Variants in PLOD2 observed in about 807,000 individuals in gnomAD.
PLOD2 encodes the protein procollagen-lysine,2-oxoglutarate 5-dioxygenase 2.
A neutral mutation model predicts 101.0 loss-of-function variants in PLOD2; 65 were observed. That is an observed-to-expected ratio of 0.64 (90% CI 0.53 to 0.79). PLOD2 has a LOEUF of 0.79. PLOD2 is among the 30% of genes least tolerant of loss of function. The probability of loss-of-function intolerance (pLI) is 0.00; values close to 1 mark genes in which losing one functional copy is unlikely to be tolerated. For synonymous variants in PLOD2, 314 were observed against 302.9 expected (o/e 1.04, Z -0.38); for missense variants, 909 against 914.6 (o/e 0.99, Z 0.08).
chr3:146,110,484 C>G, intron 3 of PLOD2, 36 bp from the exon 4 acceptor site: 2 of 1,553,224 alleles, frequency 1.3e-6, no homozygotes, highest in Non-Finnish European at 1.8e-6. Context: ...TTAAAATACA[C>G]TTGTCAGAAT....
chr3:146,111,581 G>A (rs958393329), intron 3 of PLOD2, among the ~76,000 whole-genome samples: 2 of 152,158 alleles, frequency 1.3e-5, no homozygotes, highest in Admixed American at 1.3e-4. Flanking sequence ...GGGAGAGACA[G>A]AGGAAAACTC....
At chr3:146,101,549 A>C (rs549457875) in intron 7 of PLOD2, among the ~76,000 whole-genome samples, 16 of 152,346 alleles carry the variant, frequency 1.1e-4, no homozygotes, top group African/African-American at 3.6e-4. Flanking sequence ...AACAATGTCC[A>C]CTACTCAACA....
chr3:146,156,078 A>C (rs965222998), intron 1 of PLOD2, among the ~76,000 whole-genome samples: 3 of 152,210 alleles, frequency 2.0e-5, no homozygotes, highest in Non-Finnish European at 4.4e-5. Context: ...TACTTACACC[A>C]AAGAACATGT....
At chr3:146,103,101 G>A (rs1937449568) in intron 6 of PLOD2, among the ~76,000 whole-genome samples, 1 of 152,186 alleles carries the variant, frequency 6.6e-6, no homozygotes, top group Admixed American at 6.5e-5. Flanking sequence ...TAAAGTGATT[G>A]AGGTGCTAAG....
intron 1 of PLOD2, among the ~76,000 whole-genome samples, chr3:146,152,077 C>T (rs1349581342): frequency 6.6e-6 from 1 of 152,098 alleles, no homozygotes; most frequent in Non-Finnish European, 1.5e-5. Flanking sequence ...CTACTAAAAT[C>T]AAGAATTAAA....
rs1439638676 is a variant in PLOD2 at position 146,161,094 on chromosome 3, G to C, written c.-105C>G. On this transcript the variant is annotated 5_prime_UTR_variant, in exon 1 of 20. Coordinates refer to ENST00000282903, the MANE Select transcript of PLOD2 (RefSeq NM_182943.3). ...GGGTCCGCCCTGAGCCGCCGATTGC[G>C]GGCGGGAGCCGGCGGGCAAGGCGCG... is the stretch of plus-strand genomic sequence containing the variant. 2 of 664,280 alleles carry C rather than the reference G, an allele frequency of 3.0e-6. No homozygotes were observed. The highest frequency in any genetic ancestry group is 4.3e-5 in the Admixed American group (1 of 23,348). 41.1% of individuals were successfully genotyped at this position (664,280 alleles called of 1,614,324 possible).
At chr3:146,151,429 G>A (rs923591255) in intron 1 of PLOD2, among the ~76,000 whole-genome samples, 1 of 152,056 alleles carries the variant, frequency 6.6e-6, no homozygotes, top group Non-Finnish European at 1.5e-5. Context: ...CCCGAGAGGC[G>A]GAGGTTGCAG....
intron 15 of PLOD2, among the ~76,000 whole-genome samples, chr3:146,073,867 T>A (rs1437836178): frequency 2.0e-5 from 3 of 151,640 alleles, no homozygotes; most frequent in Admixed American, 2.0e-4. Context: ...ATTAGTGAAC[T>A]AATTAACTAG....
Position 146,102,785 on chromosome 3 carries a change from TG to T in PLOD2, c.746del (p.Pro249GlnfsTer14). The T allele has an allele frequency of 6.2e-7, 1 of 1,601,804 alleles. No homozygotes were observed. Among genetic ancestry groups the T allele is most frequent in the Non-Finnish European group, 8.6e-7 (1 of 1,168,842 alleles). On this transcript the variant is annotated frameshift_variant, in exon 7 of 20. Transcript: ENST00000282903. LOFTEE classifies it high-confidence loss of function. ...RAKNTFYETL[P>X]VAINGNGPTK... ...TGGGTCCATTTCCATTAATTGCCAC[TG>T]GTAATGTTTCATAAAATGTATTCTT...
intron 1 of PLOD2, among the ~76,000 whole-genome samples, chr3:146,150,373 G>A (rs563792505): frequency 6.6e-6 from 1 of 151,744 alleles, no homozygotes; most frequent in South Asian, 2.1e-4. Flanking sequence ...ATAAAACTTC[G>A]TTTTAACTTC....
Position 146,110,532 on chromosome 3 carries a change from T to C in PLOD2, c.339-84A>G, listed in dbSNP as rs1244712001. 5.3e-6 allele frequency: 6 copies of C among 1,132,008 alleles called. No individual in the cohort carries two copies. In the African/African-American group the frequency reaches 9.2e-5, roughly 17 times the overall value. The allele number at this position is 1,132,008 out of a possible 1,614,324, so 70.1% of individuals were successfully genotyped here. ...ACCATGAAAAGTTCTCTAACAAAAG[T>C]CAGAATCAAGAATACAATGCAAGAT... On this transcript the variant is annotated intron_variant, in intron 3 of 19. Coordinates refer to ENST00000282903, the MANE Select transcript of PLOD2 (RefSeq NM_182943.3).
chr3:146,156,608 C>A (rs1281274815), intron 1 of PLOD2, among the ~76,000 whole-genome samples: 1 of 152,226 alleles, frequency 6.6e-6, no homozygotes, highest in Non-Finnish European at 1.5e-5. Context: ...GGCCTATGGG[C>A]CATAATTTAC....
intron 19 of PLOD2, 37 bp downstream of exon 19, chr3:146,071,005 C>G (rs1191141629): frequency 6.4e-7 from 1 of 1,574,330 alleles, no homozygotes; most frequent in Non-Finnish European, 8.7e-7. Context: ...TGATATATTT[C>G]TTTTGAAAAA....
At chr3:146,076,592 T>A (rs1319634639) in intron 15 of PLOD2, 190 bp downstream of exon 15, 5 of 444,286 alleles carry the variant, frequency 1.1e-5, no homozygotes, top group South Asian at 3.8e-5. Flanking sequence ...CTCACCCATA[T>A]CTGTTGTTTT....
chr3:146,073,567 A>G, intron 15 of PLOD2: 1 of 263,194 alleles, frequency 3.8e-6, no homozygotes, highest in Non-Finnish European at 7.3e-6. Context: ...TATTTATGAA[A>G]TATTGTACCT....
At chr3:146,070,992 T>A (rs767030518) in intron 19 of PLOD2, 50 bp downstream of exon 19, 25 of 1,549,012 alleles carry the variant, frequency 1.6e-5, no homozygotes, top group East Asian at 2.3e-5. Flanking sequence ...GTCCTTTTCA[T>A]AATGATATAT....
chr3:146,119,093 G>A (rs778475830), intron 3 of PLOD2, among the ~76,000 whole-genome samples: 2 of 152,112 alleles, frequency 1.3e-5, no homozygotes, highest in Non-Finnish European at 2.9e-5. Context: ...GGAGGTGATT[G>A]GATCATGAGG....
intron 1 of PLOD2, among the ~76,000 whole-genome samples, chr3:146,143,057 A>T (rs1020714016): frequency 6.6e-6 from 1 of 152,094 alleles, no homozygotes; most frequent in African/African-American, 2.4e-5. Flanking sequence ...GCTTTTTCCC[A>T]AACTCACTGC....
At chr3:146,127,945 A>G (rs939939779) in intron 1 of PLOD2, among the ~76,000 whole-genome samples, 2 of 152,180 alleles carry the variant, frequency 1.3e-5, no homozygotes, top group Non-Finnish European at 2.9e-5. Flanking sequence ...TCCATGGAAA[A>G]TAGTATGGAA....
Sources: gnomAD v4.1 joint callset for allele counts (sites outside exome capture counted in the v4.1 genomes callset) on GRCh38, gnomAD v4.1.1 for gene constraint, MANE v1.5 for transcripts, NCBI Gene and HGNC (gene_info 2026-07-23, HGNC 2026-07-21) for gene names.